The following BAIAP2L1 variants were observed in gnomAD, a reference collection of about 807,000 sequenced individuals.
The protein encoded by BAIAP2L1 is BAR/IMD domain containing adaptor protein 2 like 1.
Under a neutral mutation model 66.3 loss-of-function variants are expected in BAIAP2L1, and 35 were observed. The ratio of observed to expected loss-of-function variants is 0.53; its 90% confidence interval spans 0.40 to 0.70. The LOEUF is 0.70. Ranked by LOEUF, BAIAP2L1 falls within the 30% of genes least tolerant of loss-of-function variation. The pLI is 0.00. For synonymous variants in BAIAP2L1, 269 were observed against 248.7 expected, an observed-to-expected ratio of 1.08 and a Z score of -0.77; for missense variants, 622 against 656.9, an observed-to-expected ratio of 0.95 and a Z score of 0.58.
chr7:98,324,266 C>T (rs1801324538), intron 3 of BAIAP2L1, among the ~76,000 whole-genome samples: 1 of 152,218 alleles, frequency 6.6e-6, no homozygotes, highest in Admixed American at 6.5e-5. Flanking sequence ...AGGAACTCAA[C>T]ATAACTCGAA....
At chr7:98,333,367 G>GATTA (rs1801544844) in intron 3 of BAIAP2L1, among the ~76,000 whole-genome samples, 1 of 152,012 alleles carries the variant, frequency 6.6e-6, no homozygotes, top group African/African-American at 2.4e-5. Context: ...GGAGGCCGAG[G>GATTA]CAGGCGGATC....
chr7:98,382,230 G>A (rs1430559018), intron 1 of BAIAP2L1, among the ~76,000 whole-genome samples: 3 of 152,068 alleles, frequency 2.0e-5, no homozygotes, highest in East Asian at 1.9e-4. Context: ...CAAAATCTAG[G>A]TTTTCAATTG....
intron 11 of BAIAP2L1, among the ~76,000 whole-genome samples, chr7:98,304,774 C>T (rs1401135822): frequency 1.3e-5 from 2 of 151,912 alleles, no homozygotes; most frequent in African/African-American, 4.8e-5. Context: ...GTCTTGAACT[C>T]CTGACCTCAG....
chr7:98,330,490 T>C (rs1339299555), intron 3 of BAIAP2L1, among the ~76,000 whole-genome samples: 1 of 152,018 alleles, frequency 6.6e-6, no homozygotes, highest in Non-Finnish European at 1.5e-5. Context: ...AAACCCTGTC[T>C]CTACTAAAAA....
intron 11 of BAIAP2L1, among the ~76,000 whole-genome samples, chr7:98,305,560 T>C (rs1476359679): frequency 2.0e-5 from 3 of 152,110 alleles, no homozygotes; most frequent in Non-Finnish European, 4.4e-5. Flanking sequence ...GATGGGACAA[T>C]GGGCATATGC....
chr7:98,307,768 C>A lies in BAIAP2L1; in HGVS notation c.1084G>T (p.Ala362Ser). 6.2e-7 allele frequency: 1 copy of A among 1,614,248 alleles called. No homozygotes were observed. Among genetic ancestry groups the A allele is most frequent in the Middle Eastern group, 1.6e-4 (1 of 6,062 alleles). Residue 362 changes from alanine to serine, a missense_variant, in exon 10 of 14, where the codon GCA becomes TCA. By Grantham distance (99) the Ala-to-Ser change is moderately conservative (BLOSUM62 1). Transcript: ENST00000005260. ...AGSNKTLLSFAQGDVITLLIP... is the reference protein window; with the variant it reads ...AGSNKTLLSFSQGDVITLLIP... Reference sequence around the variant, plus strand: ...AGCAGCGTGATGACATCTCCCTGTGCAAAGCTGAGTAAGGTCTTGTTGGAG... The same window carrying A: ...AGCAGCGTGATGACATCTCCCTGTGAAAAGCTGAGTAAGGTCTTGTTGGAG...
At chr7:98,356,750 G>A (rs1407671657) in intron 2 of BAIAP2L1, among the ~76,000 whole-genome samples, 2 of 149,398 alleles carry the variant, frequency 1.3e-5, no homozygotes, top group Non-Finnish European at 3.0e-5. Flanking sequence ...GCTGAGGTAG[G>A]AGGATCACTT....
chr7:98,359,756 T>TTG (rs1411975058), intron 2 of BAIAP2L1, among the ~76,000 whole-genome samples: 11 of 149,404 alleles, frequency 7.4e-5, no homozygotes, highest in Middle Eastern at 3.4e-3. Flanking sequence ...TTTTTTTTTT[T>TTG]TTTTTTTTTT....
intron 3 of BAIAP2L1, among the ~76,000 whole-genome samples, chr7:98,349,453 G>C (rs538600518): frequency 1.3e-5 from 2 of 152,092 alleles, no homozygotes; most frequent in Non-Finnish European, 2.9e-5. Flanking sequence ...TCCTTACCCC[G>C]TAACTCCTGG....
intron 3 of BAIAP2L1, among the ~76,000 whole-genome samples, chr7:98,351,912 C>T (rs897404326): frequency 6.6e-6 from 1 of 152,168 alleles, no homozygotes; most frequent in East Asian, 1.9e-4. Context: ...ACAGAATGAA[C>T]GTTTTGAAAT....
chr7:98,387,037 ACTC>A (rs1290108473), intron 1 of BAIAP2L1, among the ~76,000 whole-genome samples: 2 of 151,078 alleles, frequency 1.3e-5, no homozygotes, highest in Admixed American at 6.6e-5. Context: ...TCGCCTTAAA[ACTC>A]CTCTCAAACT....
At chr7:98,392,315 A>G (rs1803065654) in intron 1 of BAIAP2L1, among the ~76,000 whole-genome samples, 1 of 152,114 alleles carries the variant, frequency 6.6e-6, no homozygotes, top group Admixed American at 6.6e-5. Flanking sequence ...ATTTCACTCC[A>G]GCCTGGGCGA....
chr7:98,303,019 A>G (rs1223746492), intron 12 of BAIAP2L1, among the ~76,000 whole-genome samples: 2 of 152,194 alleles, frequency 1.3e-5, no homozygotes, highest in Non-Finnish European at 2.9e-5. Flanking sequence ...TCCTGGGCTC[A>G]AGTGATCCTC....
At chr7:98,305,087 CATTATGTTGGCCAGGCTAGTCTTGA>C (rs1353892439) in intron 11 of BAIAP2L1, among the ~76,000 whole-genome samples, 3 of 90,586 alleles carry the variant, frequency 3.3e-5, no homozygotes, top group Non-Finnish European at 6.1e-5. Flanking sequence ...GACGGGGTTT[CATTATGTTGGCCAGGCTAGTCTTGA>C]ACTCTTGATC....
intron 12 of BAIAP2L1, among the ~76,000 whole-genome samples, chr7:98,297,588 C>G (rs1562962897): frequency 6.6e-6 from 1 of 152,200 alleles, no homozygotes; most frequent in East Asian, 1.9e-4. Context: ...GTGTGAAAAC[C>G]CATTCCAGTC....
At chr7:98,338,008 C>T (rs1271191167) in intron 3 of BAIAP2L1, among the ~76,000 whole-genome samples, 3 of 152,156 alleles carry the variant, frequency 2.0e-5, no homozygotes, top group Admixed American at 6.6e-5. Context: ...CATTAGGATA[C>T]CCCATATTGG....
intron 6 of BAIAP2L1, among the ~76,000 whole-genome samples, chr7:98,316,933 G>A (rs942136324): frequency 3.3e-5 from 5 of 150,772 alleles, no homozygotes; most frequent in African/African-American, 4.9e-5. Context: ...GCATAATCTC[G>A]GCTCACTGCA....
chr7:98,334,350 CA>C (rs1474227494), intron 3 of BAIAP2L1, among the ~76,000 whole-genome samples: 1 of 152,148 alleles, frequency 6.6e-6, no homozygotes, highest in African/African-American at 2.4e-5. Context: ...AAGAGCTCAC[CA>C]TTTAATATGC....
chr7:98,372,550 C>A (rs907763978), intron 1 of BAIAP2L1, among the ~76,000 whole-genome samples: 1 of 151,988 alleles, frequency 6.6e-6, no homozygotes, highest in African/African-American at 2.4e-5. Context: ...AGTAAATATG[C>A]AGTTCTGTGG....
Sources: gnomAD v4.1 joint callset for allele counts (sites outside exome capture counted in the v4.1 genomes callset) on GRCh38, gnomAD v4.1.1 for gene constraint, MANE v1.5 for transcripts, NCBI Gene and HGNC (gene_info 2026-07-23, HGNC 2026-07-21) for gene names.